KIAA0825: variants seen among roughly 807,000 people sequenced by gnomAD.
The protein encoded by KIAA0825 is KIAA0825.
KIAA0825 carries 119 observed loss-of-function variants against 147.6 expected under a neutral mutation model. The observed-to-expected ratio is 0.81, with a 90% CI of 0.69 to 0.94. KIAA0825 has a LOEUF of 0.94. KIAA0825 is among the 40% of genes least tolerant of loss of function. KIAA0825 has a pLI of 0.00. For missense variants in KIAA0825, 1,381 were observed against 1,472.7 expected (o/e 0.94, Z 1.02); for synonymous variants, 470 against 518.1 (o/e 0.91, Z 1.26).
rs140042321 is a variant in KIAA0825, at chr5:94,526,715, A to G, written c.132-2617T>C. ...AAATTGCTTATTGAATGAAGGCATT[A>G]TATTTGATAAACATTAGCTGAATGT... On this transcript the variant is annotated intron_variant, in intron 3 of 20. Transcript: ENST00000682413. 1.1e-4 allele frequency among the ~76,000 whole-genome samples: 17 copies of G among 152,214 alleles called. No individual in the cohort carries two copies. In the East Asian group the frequency reaches 3.3e-3, roughly 29 times the overall value.
rs142034005 is a variant in KIAA0825, at chr5:94,347,829, G to C, written c.3710+36539C>G. ...ACCTGAAAAAGAATTCAGGAGATTAGTTATTAAGCTAATCAGGGAGGGACC... is the reference window on the plus strand; with the variant it reads ...ACCTGAAAAAGAATTCAGGAGATTACTTATTAAGCTAATCAGGGAGGGACC... On this transcript the variant is annotated intron_variant, in intron 20 of 20. Coordinates refer to ENST00000682413, the MANE Select transcript of KIAA0825 (RefSeq NM_001145678.3). 1.1e-4 allele frequency among the ~76,000 whole-genome samples: 17 copies of C among 152,286 alleles called. No individual in the cohort carries two copies. In the East Asian group the frequency reaches 3.3e-3, roughly 29 times the overall value.
chr5:94,301,399 T>A (rs1356247488), intron 20 of KIAA0825, among the ~76,000 whole-genome samples: 2 of 150,718 alleles, frequency 1.3e-5, no homozygotes, highest in South Asian at 2.1e-4. Flanking sequence ...TATATATATA[T>A]AAAAAATATA....
At chr5:94,588,498 A>C (rs1352430776) in intron 1 of KIAA0825, among the ~76,000 whole-genome samples, 1 of 152,244 alleles carries the variant, frequency 6.6e-6, no homozygotes, top group Non-Finnish European at 1.5e-5. Context: ...ATACCATCTC[A>C]CACCAATTAG....
At chr5:94,417,468 GT>G in intron 14 of KIAA0825, 103 bp from the exon 15 acceptor site, 1 of 874,722 alleles carries the variant, frequency 1.1e-6, no homozygotes, top group East Asian at 2.7e-5. Flanking sequence ...TGTGGAAATG[GT>G]TTTTAATAAG....
chr5:94,187,135 G>A (rs1770188742), intron 20 of KIAA0825, among the ~76,000 whole-genome samples: 2 of 152,090 alleles, frequency 1.3e-5, no homozygotes, highest in South Asian at 2.1e-4. Flanking sequence ...GAACAAGGAC[G>A]CTGCTAAAAT....
intron 1 of KIAA0825, among the ~76,000 whole-genome samples, chr5:94,605,060 C>T (rs1787240106): frequency 6.6e-6 from 1 of 151,932 alleles, no homozygotes; most frequent in Non-Finnish European, 1.5e-5. Context: ...ATAACAAACA[C>T]AATCAGGAAT....
chr5:94,555,590 A>G (rs1776386396), intron 2 of KIAA0825, among the ~76,000 whole-genome samples: 1 of 152,198 alleles, frequency 6.6e-6, no homozygotes, highest in African/African-American at 2.4e-5. Context: ...CAGTCAGAAT[A>G]CACTATTGTA....
At chr5:94,210,275 C>T (rs1395777845) in intron 20 of KIAA0825, among the ~76,000 whole-genome samples, 1 of 152,176 alleles carries the variant, frequency 6.6e-6, no homozygotes, top group Admixed American at 6.5e-5. Context: ...AAGATTAGGT[C>T]GGTTCTGACT....
chr5:94,455,953 C>T (rs1430687087), intron 12 of KIAA0825, among the ~76,000 whole-genome samples: 3 of 152,080 alleles, frequency 2.0e-5, no homozygotes, highest in African/African-American at 7.2e-5. Context: ...AGTCTGGATA[C>T]AGCCCAAGAA....
intron 14 of KIAA0825, among the ~76,000 whole-genome samples, chr5:94,420,623 G>A (rs919741821): frequency 4.6e-5 from 7 of 151,952 alleles, no homozygotes; most frequent in African/African-American, 1.5e-4. Flanking sequence ...TTGTCTTCAG[G>A]TATCTTCCAA....
intron 20 of KIAA0825, among the ~76,000 whole-genome samples, chr5:94,288,780 A>C (rs1777762699): frequency 1.3e-5 from 2 of 152,320 alleles, no homozygotes; most frequent in Middle Eastern, 6.8e-3. Context: ...AATTCTGTGA[A>C]AGCTGCTACA....
At position 94,524,078 on chromosome 5, in the gene KIAA0825, T is replaced by G. The variant is rs1239256647; in HGVS notation, c.152A>C (p.Glu51Ala). 15 of 1,607,262 alleles carry G rather than the reference T, an allele frequency of 9.3e-6. No homozygotes were observed. Among genetic ancestry groups the G allele is most frequent in the Non-Finnish European group, 1.2e-5 (14 of 1,176,132 alleles). Residue 51 changes from glutamate (E) to alanine (A), a missense_variant, in exon 4 of 21, where the codon GAG becomes GCG. Physicochemically the swap from Glu to Ala is moderately radical, Grantham distance 107. Transcript: ENST00000682413. The part of the protein sequence containing the change: ...NAASIKHCIK[E>A]IQSEINKQCP... ...TTGTTTGTTAATTTCGGACTGTATCTCTTTAATGCAATGTTTTATGCTATA... is the reference window on the plus strand; with the variant it reads ...TTGTTTGTTAATTTCGGACTGTATCGCTTTAATGCAATGTTTTATGCTATA...
intron 5 of KIAA0825, among the ~76,000 whole-genome samples, chr5:94,500,367 T>G (rs1764918832): frequency 6.6e-6 from 1 of 152,154 alleles, no homozygotes; most frequent in Non-Finnish European, 1.5e-5. Context: ...AAATTAGGCC[T>G]TGATGGCAGA....
rs1226689417 is a variant in KIAA0825, at chr5:94,464,975, T to C, written c.1957A>G (p.Lys653Glu). ...HYDLWTILPP[K>E]LAQEILVEVL... ...TCCACTAGAATCTCCTGGGCTAACT[T>C]AGGAGGCAGAATGGTCCAGAGATCG... Residue 653 changes from lysine (K) to glutamate (E), a missense_variant, in exon 11 of 21, where the codon AAG becomes GAG. By Grantham distance (56) the Lys-to-Glu change is moderately conservative. Coordinates refer to ENST00000682413, the MANE Select transcript of KIAA0825 (RefSeq NM_001145678.3). 6.4e-7 allele frequency: 1 copy of C among 1,551,660 alleles called. No homozygotes were observed. Among genetic ancestry groups the C allele is most frequent in the Non-Finnish European group, 8.7e-7 (1 of 1,146,948 alleles).
chr5:94,374,944 A>G (rs914761867), intron 20 of KIAA0825, among the ~76,000 whole-genome samples: 1 of 151,942 alleles, frequency 6.6e-6, no homozygotes, highest in African/African-American at 2.4e-5. Flanking sequence ...TAAGCATAGC[A>G]CCTTTCTACC....
At chr5:94,319,206 A>C (rs149613804) in intron 20 of KIAA0825, among the ~76,000 whole-genome samples, 1 of 151,882 alleles carries the variant, frequency 6.6e-6, no homozygotes, top group Non-Finnish European at 1.5e-5. Flanking sequence ...TGAGAGCCTC[A>C]CTTGGCTCTC....
At chr5:94,277,126 T>C (rs9686308) in intron 20 of KIAA0825, among the ~76,000 whole-genome samples, 54,422 of 151,938 alleles carry the variant, frequency 0.36, 10,034 homozygotes, top group Non-Finnish European at 0.39. Context: ...GATTTTTCAG[T>C]CTCATTTGAT....
At chr5:94,574,420 T>C (rs1314686401) in intron 2 of KIAA0825, among the ~76,000 whole-genome samples, 2 of 151,590 alleles carry the variant, frequency 1.3e-5, no homozygotes, top group Non-Finnish European at 1.5e-5. Context: ...GGTGTATGCC[T>C]GTAATCCCAG....
At chr5:94,303,558 A>T (rs1406220494) in intron 20 of KIAA0825, among the ~76,000 whole-genome samples, 1 of 151,944 alleles carries the variant, frequency 6.6e-6, no homozygotes, top group Non-Finnish European at 1.5e-5. Context: ...TGGAGTGGGA[A>T]GTTTTAAAAC....
Sources: allele counts gnomAD v4.1 joint callset (sites outside exome capture counted in the v4.1 genomes callset), GRCh38; gene constraint gnomAD v4.1.1; transcripts MANE v1.5; gene names NCBI Gene and HGNC (gene_info 2026-07-23, HGNC 2026-07-21).